The following LRBA variants were observed in gnomAD, a reference collection of about 807,000 sequenced individuals.
The protein encoded by LRBA is lipopolysaccharide-responsive and beige-like anchor protein.
LRBA carries 176 observed loss-of-function variants against 330.0 expected under a neutral mutation model. That is an observed-to-expected ratio of 0.53 (90% CI 0.47 to 0.60). The LOEUF (loss-of-function observed/expected upper bound fraction) is 0.60, where lower values mean the gene tolerates loss of function less well. Among genes scored for constraint, LRBA ranks in the 20% least tolerant of loss-of-function variants. The probability of loss-of-function intolerance (pLI) is 0.00; values close to 1 mark genes in which losing one functional copy is unlikely to be tolerated. For synonymous variants in LRBA, 1,230 were observed against 1,193.0 expected, an observed-to-expected ratio of 1.03 and a Z score of -0.64; for missense variants, 3,259 against 3,444.8, an observed-to-expected ratio of 0.95 and a Z score of 1.35.
chr4:150,419,957 C>G (rs903933561), intron 46 of LRBA, among the ~76,000 whole-genome samples: 4 of 150,574 alleles, frequency 2.7e-5, no homozygotes, highest in Non-Finnish European at 5.9e-5. Flanking sequence ...TATGTCTAGC[C>G]CAGGCACCGT....
intron 40 of LRBA, among the ~76,000 whole-genome samples, chr4:150,570,017 T>C (rs1419453032): frequency 6.6e-6 from 1 of 152,126 alleles, no homozygotes; most frequent in African/African-American, 2.4e-5. Flanking sequence ...ACAATTAGTG[T>C]TTCTCTCAAA....
chr4:150,501,145 T>A (rs1025420588), intron 40 of LRBA, among the ~76,000 whole-genome samples: 3 of 152,196 alleles, frequency 2.0e-5, no homozygotes, highest in Non-Finnish European at 4.4e-5. Context: ...TTAACCTCAT[T>A]TCATTGCGTA....
At chr4:150,540,535 T>C (rs1765207621) in intron 40 of LRBA, among the ~76,000 whole-genome samples, 1 of 152,224 alleles carries the variant, frequency 6.6e-6, no homozygotes, top group Admixed American at 6.5e-5. Flanking sequence ...TTTTAAGGCA[T>C]GCTATTGTTT....
chr4:150,510,917 G>A (rs55977492), intron 40 of LRBA, among the ~76,000 whole-genome samples: 32,640 of 151,920 alleles, frequency 0.21, 4,352 homozygotes, highest in Non-Finnish European at 0.3. Flanking sequence ...GTGCAGTGGC[G>A]TGATCTTGGC....
chr4:150,327,722 T>C (rs1733481049), intron 48 of LRBA, among the ~76,000 whole-genome samples: 1 of 152,200 alleles, frequency 6.6e-6, no homozygotes, highest in Non-Finnish European at 1.5e-5. Flanking sequence ...ATAATGCATA[T>C]AAAGTGCTTA....
chr4:150,839,969 G>A (rs1476212805), intron 28 of LRBA, among the ~76,000 whole-genome samples: 1 of 151,376 alleles, frequency 6.6e-6, no homozygotes, highest in African/African-American at 2.4e-5. Context: ...TAGCTCTTCT[G>A]CACCTATTGC....
intron 37 of LRBA, among the ~76,000 whole-genome samples, chr4:150,639,360 T>TAAAAAAAAAAAAAGAAA (rs371245495): frequency 1.8e-4 from 19 of 106,628 alleles, no homozygotes; most frequent in Non-Finnish European, 2.7e-4. Flanking sequence ...TAAAGTATAA[T>TAAAAAAAAAAAAAGAAA]AAAAAAAAAA....
intron 44 of LRBA, among the ~76,000 whole-genome samples, chr4:150,441,642 T>C (rs1000022788): frequency 6.6e-6 from 1 of 152,076 alleles, no homozygotes; most frequent in Non-Finnish European, 1.5e-5. Context: ...AACATTATTA[T>C]ACATTCTCAT....
intron 33 of LRBA, among the ~76,000 whole-genome samples, chr4:150,804,079 T>C (rs1742184461): frequency 6.6e-6 from 1 of 152,134 alleles, no homozygotes; most frequent in Admixed American, 6.6e-5. Flanking sequence ...AAGTTTCATA[T>C]ATGAAACATA....
chr4:150,335,530 GTGTA>G (rs577269440), intron 48 of LRBA, among the ~76,000 whole-genome samples: 2 of 146,150 alleles, frequency 1.4e-5, no homozygotes, highest in African/African-American at 5.2e-5. Context: ...TTATATATGT[GTGTA>G]TATATATATA....
At position 150,470,361 on chromosome 4, in the gene LRBA, C is replaced by T. The variant is rs149962444; in HGVS notation, c.6667+1263G>A. Among the ~76,000 whole-genome samples the T allele has an allele frequency of 3.7e-4, 57 of 152,230 alleles. 1 individual carries two copies. In the East Asian group the frequency reaches 9.5e-3, roughly 25 times the overall value. On this transcript the variant is annotated intron_variant, in intron 43 of 56. Transcript: ENST00000651943. Reference sequence around the variant, plus strand: ...CCTCAGTTCTCCTACTATATCTGCACATTCTAGGATCACTCATTCCTTTTT... The same window carrying T: ...CCTCAGTTCTCCTACTATATCTGCATATTCTAGGATCACTCATTCCTTTTT...
chr4:150,541,562 G>A (rs185333078), intron 40 of LRBA, among the ~76,000 whole-genome samples: 51 of 150,736 alleles, frequency 3.4e-4, no homozygotes, highest in African/African-American at 1.2e-3. Flanking sequence ...TTAAAAAATA[G>A]AATAAATGAT....
intron 37 of LRBA, among the ~76,000 whole-genome samples, chr4:150,632,524 C>A (rs1449341380): frequency 6.6e-6 from 1 of 152,134 alleles, no homozygotes; most frequent in Non-Finnish European, 1.5e-5. Context: ...GAACTAGAAG[C>A]AAACAAGTCA....
chr4:150,780,821 G>A (rs1027099755), intron 34 of LRBA, among the ~76,000 whole-genome samples: 3 of 151,682 alleles, frequency 2.0e-5, no homozygotes, highest in African/African-American at 7.3e-5. Flanking sequence ...GGGGTGAGGG[G>A]GGGGAATGGT....
At position 150,264,599 on chromosome 4, in the gene LRBA, G is replaced by A. The variant is rs1418820569; in HGVS notation, c.*1123C>T. 6.6e-6 allele frequency: 1 copy of A among 152,416 alleles called. No homozygotes were observed. Among genetic ancestry groups the A allele is most frequent in the African/African-American group, 2.4e-5 (1 of 41,428 alleles). 9.4% of individuals were successfully genotyped at this position (152,416 alleles called of 1,614,324 possible). On this transcript the variant is annotated 3_prime_UTR_variant, in exon 57 of 57. Coordinates refer to ENST00000651943, the MANE Select transcript of LRBA (RefSeq NM_001364905.1). ...ATCCTTGCTTTTAGAGAAGAGCTGA[G>A]TGTGTAGGAAAAAAAGAGGGACCAC... is the stretch of plus-strand genomic sequence containing the variant.
Position 150,861,270 on chromosome 4 carries a change from G to GGTGTGTGTGTGT in LRBA, c.2766+6389_2766+6400dup, listed in dbSNP as rs35115144. ...GGTGCATGCCACCATCCCAGCTAAT[G>GGTGTGTGTGTGT]GTGTGTGTGTGTGTGTGTGTGTGTG... On this transcript the variant is annotated intron_variant, in intron 22 of 56. Coordinates refer to ENST00000651943, the MANE Select transcript of LRBA (RefSeq NM_001364905.1). Among the ~76,000 whole-genome samples, 582 of 137,882 alleles carry GGTGTGTGTGTGT rather than the reference G, an allele frequency of 4.2e-3. 7 individuals are homozygous for GGTGTGTGTGTGT. The highest frequency in any genetic ancestry group is 0.014 in the African/African-American group (496 of 36,452). The allele number at this position is 137,882 out of a possible 152,430, so 90.5% of individuals were successfully genotyped here.
intron 35 of LRBA, among the ~76,000 whole-genome samples, chr4:150,752,167 T>A (rs996747741): frequency 6.6e-6 from 1 of 152,216 alleles, no homozygotes; most frequent in African/African-American, 2.4e-5. Flanking sequence ...ATATGAGAAC[T>A]ACTAAAGCCT....
chr4:150,352,205 A>G (rs576954465), intron 47 of LRBA, among the ~76,000 whole-genome samples: 5 of 152,356 alleles, frequency 3.3e-5, no homozygotes, highest in Non-Finnish European at 7.3e-5. Context: ...TTAAAACAAA[A>G]CTGACCAACT....
chr4:150,608,075 G>A (rs770776513), intron 37 of LRBA, among the ~76,000 whole-genome samples: 35 of 152,054 alleles, frequency 2.3e-4, no homozygotes, highest in Non-Finnish European at 3.7e-4. Context: ...GCCAGGTGTG[G>A]TGGTGCACGC....
Sources: allele counts gnomAD v4.1 joint callset (sites outside exome capture counted in the v4.1 genomes callset), GRCh38; gene constraint gnomAD v4.1.1; transcripts MANE v1.5; gene names NCBI Gene and HGNC (gene_info 2026-07-23, HGNC 2026-07-21).